The following FHIP1A variants were observed in gnomAD, a reference collection of about 807,000 sequenced individuals.
The protein encoded by FHIP1A is FHF complex subunit HOOK-interacting protein 1A.
A neutral mutation model predicts 88.6 loss-of-function variants in FHIP1A; 61 were observed. That is an observed-to-expected ratio of 0.69 (90% CI 0.56 to 0.85). The LOEUF (loss-of-function observed/expected upper bound fraction) is 0.85. Among genes scored for constraint, FHIP1A ranks in the 40% least tolerant of loss-of-function variants. FHIP1A has a pLI of 0.00. For missense variants in FHIP1A, 1,154 were observed against 1,273.5 expected (o/e 0.91, Z 1.43); for synonymous variants, 478 against 496.0 (o/e 0.96, Z 0.48).
intron 3 of FHIP1A, among the ~76,000 whole-genome samples, chr4:151,483,811 G>A (rs952481894): frequency 4.6e-5 from 7 of 151,998 alleles, no homozygotes; most frequent in African/African-American, 1.7e-4. Flanking sequence ...TTTAAGATAC[G>A]GAACAGAAAA....
At chr4:151,546,950 C>T (rs1043335594) in intron 3 of FHIP1A, among the ~76,000 whole-genome samples, 3 of 152,060 alleles carry the variant, frequency 2.0e-5, no homozygotes, top group Non-Finnish European at 4.4e-5. Context: ...CTCCTTGGTC[C>T]CCACTTCATC....
chr4:151,623,815 T>A (rs1035988870), intron 7 of FHIP1A, among the ~76,000 whole-genome samples: 3 of 152,184 alleles, frequency 2.0e-5, no homozygotes, highest in African/African-American at 7.2e-5. Flanking sequence ...CTCTCTATTA[T>A]CTTCCTCTCG....
chr4:151,573,271 AACACAC>A (rs140733704), intron 4 of FHIP1A, among the ~76,000 whole-genome samples: 1 of 147,294 alleles, frequency 6.8e-6, no homozygotes, highest in Non-Finnish European at 1.5e-5. Flanking sequence ...GATGCATCCA[AACACAC>A]ACACACACAC....
At chr4:151,446,860 T>C (rs1728628479) in intron 1 of FHIP1A, among the ~76,000 whole-genome samples, 1 of 152,124 alleles carries the variant, frequency 6.6e-6, no homozygotes, top group Non-Finnish European at 1.5e-5. Context: ...GAGGTATCAG[T>C]CCACAGGCTG....
At chr4:151,573,287 CACACACAT>C (rs1733662950) in intron 4 of FHIP1A, among the ~76,000 whole-genome samples, 1 of 151,802 alleles carries the variant, frequency 6.6e-6, no homozygotes, top group Non-Finnish European at 1.5e-5. Context: ...CACACACACA[CACACACAT>C]ACACACACAC....
chr4:151,541,605 CTG>C (rs908796939), intron 3 of FHIP1A, among the ~76,000 whole-genome samples: 1 of 152,174 alleles, frequency 6.6e-6, no homozygotes, highest in African/African-American at 2.4e-5. Flanking sequence ...AAGGAGTAAT[CTG>C]TGAGTACACA....
Position 151,656,504 on chromosome 4 carries a change from CT to C in FHIP1A, c.2730+97del. On this transcript the variant is annotated intron_variant, in intron 12 of 13. Coordinates refer to ENST00000435205, the MANE Select transcript of FHIP1A (RefSeq NM_001109977.3). The surrounding 1 kb of genome is among the most constrained non-coding windows in gnomAD (Gnocchi z 4.2). ...TCTTTATTTTGTTTTTCAAAAATTC[CT>C]TTGCTCTAATTCATTTGCTTTCCTT... 4.6e-6 allele frequency: 6 copies of C among 1,314,226 alleles called. No homozygotes were observed. Among genetic ancestry groups the C allele is most frequent in the Middle Eastern group, 4.3e-4 (2 of 4,702 alleles). The allele number at this position is 1,314,226 out of a possible 1,614,324, so 81.4% of individuals were successfully genotyped here.
At chr4:151,557,930 G>A (rs944575794) in intron 3 of FHIP1A, among the ~76,000 whole-genome samples, 28 of 152,158 alleles carry the variant, frequency 1.8e-4, no homozygotes, top group African/African-American at 6.3e-4. Flanking sequence ...GTGTATGTGC[G>A]TGTGCTACAG....
rs145846635 is a variant in FHIP1A, at chr4:151,543,783, GGACATATTGTTTCCTTCTAATT to G, written c.-122-22354_-122-22333del. 1.2e-3 allele frequency among the ~76,000 whole-genome samples: 176 copies of G among 152,200 alleles called. 1 individual carries two copies. In the East Asian group the frequency reaches 0.027, roughly 23 times the overall value. On this transcript the variant is annotated intron_variant, in intron 3 of 13. Coordinates refer to ENST00000435205, the MANE Select transcript of FHIP1A (RefSeq NM_001109977.3). ...TTTAATTTGTTATTTAGACTGTAGT[GGACATATTGTTTCCTTCTAATT>G]TTTTATAACTAGAAACATTTCTACA...
chr4:151,515,206 C>T (rs888450840), intron 3 of FHIP1A, among the ~76,000 whole-genome samples: 1 of 151,582 alleles, frequency 6.6e-6, no homozygotes, highest in African/African-American at 2.4e-5. Flanking sequence ...ACAAAAACCA[C>T]ATGATTATCT....
chr4:151,555,435 C>T (rs1383463775), intron 3 of FHIP1A, among the ~76,000 whole-genome samples: 1 of 152,056 alleles, frequency 6.6e-6, no homozygotes, highest in East Asian at 1.9e-4. Flanking sequence ...CCCCCACTTA[C>T]ACAATAACAA....
chr4:151,430,360 A>G (rs1733547004), intron 1 of FHIP1A, among the ~76,000 whole-genome samples: 1 of 152,256 alleles, frequency 6.6e-6, no homozygotes, highest in Admixed American at 6.5e-5. Context: ...GCTTAAGAAC[A>G]GTCCCTGTTA....
At chr4:151,552,158 T>G (rs1449538393) in intron 3 of FHIP1A, among the ~76,000 whole-genome samples, 4 of 152,124 alleles carry the variant, frequency 2.6e-5, no homozygotes, top group African/African-American at 9.7e-5. Context: ...ATGGCAATCA[T>G]TAAAAAGTCA....
intron 7 of FHIP1A, among the ~76,000 whole-genome samples, chr4:151,594,698 G>A (rs574831753): frequency 7.3e-5 from 11 of 151,272 alleles, no homozygotes; most frequent in Non-Finnish European, 1.2e-4. Flanking sequence ...CTCAGCCTCC[G>A]GAGTAGTTGG....
chr4:151,656,175 A>C lies in FHIP1A; in HGVS notation c.2552-57A>C. 7.1e-7 allele frequency: 1 copy of C among 1,406,180 alleles called. No homozygotes were observed. Among genetic ancestry groups the C allele is most frequent in the Non-Finnish European group, 9.8e-7 (1 of 1,021,850 alleles). The allele number at this position is 1,406,180 out of a possible 1,614,324, so 87.1% of individuals were successfully genotyped here. A position where few individuals can be genotyped will look rare whatever the true frequency, so the allele number is the denominator to read the frequency against. On this transcript the variant is annotated intron_variant, in intron 11 of 13. Coordinates refer to ENST00000435205, the MANE Select transcript of FHIP1A (RefSeq NM_001109977.3). This position sits in a 1 kb window ranked among gnomAD's most constrained non-coding sequence, Gnocchi z 4.2. Reference sequence around the variant, plus strand: ...TGGCACCGATGGTTCTGCAATTGTCAGGGAAAGGCATCCCTGTGAGCCCAG... The same window carrying C: ...TGGCACCGATGGTTCTGCAATTGTCCGGGAAAGGCATCCCTGTGAGCCCAG...
At chr4:151,458,975 G>A (rs189120530) in intron 2 of FHIP1A, among the ~76,000 whole-genome samples, 2 of 152,142 alleles carry the variant, frequency 1.3e-5, no homozygotes, top group African/African-American at 4.8e-5. Flanking sequence ...TGTTAACATA[G>A]CACCTTTAAA....
At chr4:151,550,186 A>G (rs1177390944) in intron 3 of FHIP1A, among the ~76,000 whole-genome samples, 1 of 152,172 alleles carries the variant, frequency 6.6e-6, no homozygotes, top group Non-Finnish European at 1.5e-5. Context: ...AAATAATCAC[A>G]TAATAGATAA....
At chr4:151,652,139 G>GAGGAAAGAAAGTATAGCTCAGGGCA (rs1737054509) in intron 11 of FHIP1A, among the ~76,000 whole-genome samples, 1 of 152,014 alleles carries the variant, frequency 6.6e-6, no homozygotes, top group South Asian at 2.1e-4. Context: ...TGTGTAAATA[G>GAGGAAAGAAAGTATAGCTCAGGGCA]AGGAAAGAAA....
intron 3 of FHIP1A, among the ~76,000 whole-genome samples, chr4:151,489,550 T>G (rs1730209296): frequency 6.6e-6 from 1 of 152,156 alleles, no homozygotes; most frequent in Admixed American, 6.5e-5. Context: ...GAGCCCTGCT[T>G]GCTTTCTCAG....
Sources: allele counts gnomAD v4.1 joint callset (sites outside exome capture counted in the v4.1 genomes callset), GRCh38; gene constraint gnomAD v4.1.1; non-coding constraint Gnocchi (gnomAD v3.1); transcripts MANE v1.5; gene names NCBI Gene and HGNC (gene_info 2026-07-23, HGNC 2026-07-21).